The following TENM2 variants were observed in gnomAD, a reference collection of about 807,000 sequenced individuals.
The protein encoded by TENM2 is teneurin-2.
TENM2 carries 52 observed loss-of-function variants against 245.2 expected under a neutral mutation model. That is an observed-to-expected ratio of 0.21 (90% confidence interval 0.17 to 0.27). The LOEUF is 0.27. Among genes scored for constraint, TENM2 ranks in the 10% least tolerant of loss-of-function variants. The pLI, the probability that TENM2 is intolerant of heterozygous loss-of-function variation, is 1.00. For synonymous variants in TENM2, 1,363 were observed against 1,438.9 expected (o/e 0.95, Z 1.19); for missense variants, 3,046 against 3,666.8 (o/e 0.83, Z 4.37).
At chr5:167,402,019 A>G (rs1762393901) in intron 2 of TENM2, among the ~76,000 whole-genome samples, 1 of 152,084 alleles carries the variant, frequency 6.6e-6, no homozygotes, top group Non-Finnish European at 1.5e-5. Context: ...ATATAGTGCT[A>G]CAGCTTTTTT....
Position 168,256,094 on chromosome 5 carries a change from G to A in TENM2, c.7433-4189G>A, listed in dbSNP as rs549343474. On this transcript the variant is annotated intron_variant, in intron 27 of 28. Coordinates refer to ENST00000518659, the Ensembl canonical transcript of TENM2. ...GCTAGGATTACAGGCGTGAGCCACCGCGCCTGGCTAGAATTTATTTTTTTA... is the reference window on the plus strand; with the variant it reads ...GCTAGGATTACAGGCGTGAGCCACCACGCCTGGCTAGAATTTATTTTTTTA... Among the ~76,000 whole-genome samples the A allele has an allele frequency of 1.7e-3, 266 of 152,012 alleles. 1 individual carries two copies. Among genetic ancestry groups the A allele is most frequent in the Admixed American group, 0.011 (166 of 15,264 alleles).
intron 7 of TENM2, among the ~76,000 whole-genome samples, chr5:168,089,583 C>T (rs1439769768): frequency 1.3e-5 from 2 of 152,110 alleles, no homozygotes; most frequent in African/African-American, 4.8e-5. Flanking sequence ...CAAAGTTAAA[C>T]TTTAATTGCT....
At chr5:168,224,887 G>A (rs568910868) in intron 23 of TENM2, among the ~76,000 whole-genome samples, 2 of 152,208 alleles carry the variant, frequency 1.3e-5, no homozygotes, top group South Asian at 2.1e-4. Context: ...TGTGAGAAGG[G>A]CCCAGCTCTC....
At chr5:167,008,499 T>C in the TENM2 span, among the ~76,000 whole-genome samples, 1 of 152,202 alleles carries the variant, frequency 6.6e-6, no homozygotes, top group East Asian at 1.9e-4. Flanking sequence ...TTATTACAAC[T>C]TCCATTTACC....
intron 4 of TENM2, among the ~76,000 whole-genome samples, chr5:167,972,405 T>G (rs761457770): frequency 5.5e-4 from 83 of 152,222 alleles, no homozygotes; most frequent in Admixed American, 2.0e-4. Flanking sequence ...TACCTCATTC[T>G]TGTTTAAAGT....
chr5:167,888,969 A>G (rs925144006), intron 3 of TENM2, among the ~76,000 whole-genome samples: 4 of 152,212 alleles, frequency 2.6e-5, no homozygotes, highest in Admixed American at 1.3e-4. Context: ...AGTTGAACCA[A>G]TTCTATCAGT....
At chr5:168,082,473 T>C (rs1274549072) in intron 7 of TENM2, among the ~76,000 whole-genome samples, 2 of 152,238 alleles carry the variant, frequency 1.3e-5, no homozygotes, top group Non-Finnish European at 2.9e-5. Context: ...TTTGTTGCGT[T>C]GCTGGCAAGG....
intron 12 of TENM2, among the ~76,000 whole-genome samples, chr5:168,141,599 T>C (rs1248592037): frequency 6.6e-6 from 1 of 152,232 alleles, no homozygotes; most frequent in Non-Finnish European, 1.5e-5. Context: ...GAACAAGGAA[T>C]TGATTAAGCA....
the TENM2 span, among the ~76,000 whole-genome samples, chr5:167,087,593 A>G: frequency 3.3e-5 from 5 of 152,162 alleles, no homozygotes; most frequent in Admixed American, 3.3e-4. Context: ...TACCTTGCAT[A>G]CAATAGGTGC....
At chr5:167,725,413 T>C (rs569179012) in intron 2 of TENM2, among the ~76,000 whole-genome samples, 1 of 152,192 alleles carries the variant, frequency 6.6e-6, no homozygotes, top group East Asian at 1.9e-4. Flanking sequence ...ACATAATAAA[T>C]CTATTTTCAT....
At chr5:167,262,647 A>C in the TENM2 span, among the ~76,000 whole-genome samples, 1 of 152,150 alleles carries the variant, frequency 6.6e-6, no homozygotes, top group Non-Finnish European at 1.5e-5. Context: ...AAGTTAAAGA[A>C]GATATATTTT....
intron 2 of TENM2, among the ~76,000 whole-genome samples, chr5:167,767,269 T>G (rs1393382585): frequency 6.6e-6 from 1 of 152,224 alleles, no homozygotes; most frequent in Non-Finnish European, 1.5e-5. Flanking sequence ...ACCTTGACGA[T>G]ATTATGCCAA....
At chr5:168,178,473 G>T (rs1581547336) in intron 13 of TENM2, among the ~76,000 whole-genome samples, 1 of 152,254 alleles carries the variant, frequency 6.6e-6, no homozygotes, top group East Asian at 1.9e-4. Flanking sequence ...CTGCAGCCAG[G>T]ATAGAAATCC....
the TENM2 span, among the ~76,000 whole-genome samples, chr5:167,196,010 A>T: frequency 2.6e-5 from 4 of 152,146 alleles, no homozygotes; most frequent in East Asian, 7.8e-4. Flanking sequence ...AATACTGGGG[A>T]TACATTCTGA....
chr5:167,946,626 C>T (rs77229179), intron 3 of TENM2, among the ~76,000 whole-genome samples: 1 of 152,104 alleles, frequency 6.6e-6, no homozygotes, highest in Non-Finnish European at 1.5e-5. Flanking sequence ...GGGCAGGGGA[C>T]CTGTTTCCTC....
chr5:167,809,923 A>G (rs1766508011), intron 2 of TENM2, among the ~76,000 whole-genome samples: 1 of 152,196 alleles, frequency 6.6e-6, no homozygotes, highest in South Asian at 2.1e-4. Context: ...TTGGTGCGCC[A>G]TGCCAGGTCC....
chr5:167,622,558 A>G (rs1183001621), intron 2 of TENM2, among the ~76,000 whole-genome samples: 1 of 152,122 alleles, frequency 6.6e-6, no homozygotes, highest in African/African-American at 2.4e-5. Context: ...TAGACCCACC[A>G]TTATTTCTTC....
intron 1 of TENM2, among the ~76,000 whole-genome samples, chr5:167,329,428 T>C (rs1312517709): frequency 1.3e-5 from 2 of 149,784 alleles, no homozygotes; most frequent in East Asian, 2.0e-4. Flanking sequence ...GGCAGGCACC[T>C]GTTGTTCCAG....
intron 2 of TENM2, among the ~76,000 whole-genome samples, chr5:167,379,807 G>C (rs1760984312): frequency 6.6e-6 from 1 of 151,846 alleles, no homozygotes; most frequent in Non-Finnish European, 1.5e-5. Context: ...ATTCATATTT[G>C]ACTGTGCTTG....
Sources: allele counts gnomAD v4.1 joint callset (sites outside exome capture counted in the v4.1 genomes callset), GRCh38; gene constraint gnomAD v4.1.1; transcripts MANE v1.5; gene names NCBI Gene and HGNC (gene_info 2026-07-23, HGNC 2026-07-21).